The following PRKCB variants were observed in gnomAD, a reference collection of about 807,000 sequenced individuals.
PRKCB encodes the protein protein kinase C beta, also known as protein kinase C beta type.
In PRKCB, 13 loss-of-function variants were observed where a neutral mutation model predicts 81.5. The ratio of observed to expected loss-of-function variants is 0.16; its 90% CI spans 0.10 to 0.25. The LOEUF is 0.25. Among genes scored for constraint, PRKCB ranks in the 10% least tolerant of loss-of-function variants. The pLI, the probability that PRKCB is intolerant of heterozygous loss-of-function variation, is 1.00. For missense variants in PRKCB, 509 were observed against 875.7 expected, an observed-to-expected ratio of 0.58 and a Z score of 5.29; for synonymous variants, 335 against 321.4, an observed-to-expected ratio of 1.04 and a Z score of -0.45.
intron 16 of PRKCB, among the ~76,000 whole-genome samples, chr16:24,211,860 C>G (rs1322292172): frequency 2.0e-5 from 3 of 152,054 alleles, no homozygotes; most frequent in African/African-American, 4.8e-5. Flanking sequence ...GCGCCCGGCC[C>G]CAGACTCACT....
chr16:23,993,300 C>A (rs766890145), intron 3 of PRKCB, among the ~76,000 whole-genome samples: 3 of 152,112 alleles, frequency 2.0e-5, no homozygotes, highest in Admixed American at 6.5e-5. Flanking sequence ...GTTCACTAAG[C>A]AGAGATTCTG....
chr16:24,122,482 T>C (rs1451533845), intron 8 of PRKCB, among the ~76,000 whole-genome samples: 29 of 128,808 alleles, frequency 2.3e-4, no homozygotes, highest in Non-Finnish European at 4.0e-4. Flanking sequence ...GAGAGAGAGA[T>C]GGGATCTCAC....
chr16:23,983,362 C>G (rs1391549074), intron 2 of PRKCB, among the ~76,000 whole-genome samples: 1 of 152,180 alleles, frequency 6.6e-6, no homozygotes, highest in Non-Finnish European at 1.5e-5. Context: ...CTTCTCTGCA[C>G]ATCATGCTGG....
At chr16:24,094,939 A>G (rs766999457) in intron 7 of PRKCB, among the ~76,000 whole-genome samples, 1 of 151,028 alleles carries the variant, frequency 6.6e-6, no homozygotes, top group Non-Finnish European at 1.5e-5. Flanking sequence ...GAGGAAGGGA[A>G]GGAGGGACAG....
chr16:24,178,436 C>G (rs188871378), intron 12 of PRKCB, among the ~76,000 whole-genome samples: 1 of 152,226 alleles, frequency 6.6e-6, no homozygotes, highest in Non-Finnish European at 1.5e-5. Context: ...CTCTTGGCAC[C>G]TGAAACTTCT....
At position 23,962,736 on chromosome 16, in the gene PRKCB, G is replaced by GT. The variant is rs201012621; in HGVS notation, c.206-25762dup. On this transcript the variant is annotated intron_variant, in intron 2 of 16. Coordinates refer to ENST00000643927, the MANE Select transcript of PRKCB (RefSeq NM_002738.7). ...GCTGGTGTCCAACAAACCAGTCTTT[G>GT]TTTTTTTTTTCTTTTATTTTAATTT... 7.6e-3 allele frequency among the ~76,000 whole-genome samples: 1,125 copies of GT among 148,388 alleles called. 18 individuals are homozygous for GT. The highest frequency in any genetic ancestry group is 0.024 in the African/African-American group (965 of 40,150).
chr16:24,196,633 T>C (rs1288003798), intron 16 of PRKCB, among the ~76,000 whole-genome samples: 1 of 152,184 alleles, frequency 6.6e-6, no homozygotes, highest in Non-Finnish European at 1.5e-5. Context: ...GTCACCTGGG[T>C]ATCTGGCTAA....
intron 2 of PRKCB, among the ~76,000 whole-genome samples, chr16:23,951,299 C>T (rs1458100128): frequency 6.6e-6 from 1 of 152,186 alleles, no homozygotes; most frequent in African/African-American, 2.4e-5. Flanking sequence ...TTTTGCCAAT[C>T]TAATGGATAA....
chr16:23,961,401 T>C (rs1195253771), intron 2 of PRKCB, among the ~76,000 whole-genome samples: 2 of 152,360 alleles, frequency 1.3e-5, no homozygotes, highest in African/African-American at 4.8e-5. Flanking sequence ...TCTGATTCTC[T>C]CTCCATCATG....
At chr16:23,922,433 T>C (rs1175187866) in intron 2 of PRKCB, among the ~76,000 whole-genome samples, 1 of 152,218 alleles carries the variant, frequency 6.6e-6, no homozygotes, top group African/African-American at 2.4e-5. Context: ...AAAGACATGG[T>C]ATGGACCAAA....
chr16:24,118,847 TCC>T (rs1036955622), intron 8 of PRKCB, among the ~76,000 whole-genome samples: 1 of 152,060 alleles, frequency 6.6e-6, no homozygotes, highest in Non-Finnish European at 1.5e-5. Context: ...CTAGGCATTG[TCC>T]CCTTGGAACA....
intron 2 of PRKCB, among the ~76,000 whole-genome samples, chr16:23,847,938 G>T (rs1962407435): frequency 6.6e-6 from 1 of 152,160 alleles, no homozygotes; most frequent in South Asian, 2.1e-4. Flanking sequence ...CTCCTCCTCG[G>T]ACCGGTGAAG....
chr16:24,090,329 T>G (rs1447263321), intron 5 of PRKCB, among the ~76,000 whole-genome samples: 1 of 152,226 alleles, frequency 6.6e-6, no homozygotes, highest in Non-Finnish European at 1.5e-5. Context: ...TGGTAGCCGA[T>G]TCAATGCTTC....
chr16:24,050,819 T>A (rs893927534), intron 5 of PRKCB, among the ~76,000 whole-genome samples: 5 of 152,178 alleles, frequency 3.3e-5, no homozygotes, highest in Non-Finnish European at 5.9e-5. Context: ...TTGGGGGGTC[T>A]GGGGGTACCA....
chr16:23,871,969 C>T (rs1481434755), intron 2 of PRKCB, among the ~76,000 whole-genome samples: 2 of 151,756 alleles, frequency 1.3e-5, no homozygotes, highest in East Asian at 3.9e-4. Context: ...GGGTCCTTGC[C>T]TGTCTTGTTC....
rs76155793 is a variant in PRKCB at position 23,859,558 on chromosome 16, G to C, written c.205+22152G>C. Among the ~76,000 whole-genome samples the C allele has an allele frequency of 6.5e-3, 988 of 152,248 alleles. 14 individuals are homozygous for C. Among genetic ancestry groups the C allele is most frequent in the African/African-American group, 0.023 (937 of 41,542 alleles). On this transcript the variant is annotated intron_variant, in intron 2 of 16. Coordinates refer to ENST00000643927, the MANE Select transcript of PRKCB (RefSeq NM_002738.7). Reference sequence around the variant, plus strand: ...GTAATGGTGGAGAGGGGGGAGAAATGCCAGGAGCAGCTCACCTCCCAGGGT... The same window carrying C: ...GTAATGGTGGAGAGGGGGGAGAAATCCCAGGAGCAGCTCACCTCCCAGGGT...
At chr16:24,025,739 C>T (rs949060597) in intron 3 of PRKCB, among the ~76,000 whole-genome samples, 3 of 152,102 alleles carry the variant, frequency 2.0e-5, no homozygotes, top group Non-Finnish European at 4.4e-5. Context: ...GGTGAATGAA[C>T]GAATGAGTCA....
At chr16:23,999,539 C>A (rs891111367) in intron 3 of PRKCB, among the ~76,000 whole-genome samples, 26 of 152,176 alleles carry the variant, frequency 1.7e-4, no homozygotes, top group African/African-American at 6.0e-4. Flanking sequence ...CATTGGAGGG[C>A]CACAAAGTGT....
intron 16 of PRKCB, among the ~76,000 whole-genome samples, chr16:24,195,961 T>C (rs1323968100): frequency 1.3e-5 from 2 of 152,186 alleles, no homozygotes; most frequent in East Asian, 3.8e-4. Context: ...CCCTTTCCTA[T>C]GCTCTCACCA....
Sources: gnomAD v4.1 joint callset for allele counts (sites outside exome capture counted in the v4.1 genomes callset) on GRCh38, gnomAD v4.1.1 for gene constraint, MANE v1.5 for transcripts, NCBI Gene and HGNC (gene_info 2026-07-23, HGNC 2026-07-21) for gene names.